The following RAB38 variants were observed in gnomAD, a reference collection of about 807,000 sequenced individuals.
RAB38 encodes the protein RAB38, member RAS oncogene family.
A neutral mutation model predicts 18.4 loss-of-function variants in RAB38; 15 were observed. The observed-to-expected ratio is 0.82, with a 90% CI of 0.55 to 1.26. The LOEUF (loss-of-function observed/expected upper bound fraction) is 1.26, where lower values mean the gene tolerates loss of function less well. RAB38 is among the 50% of genes most tolerant of loss of function. The probability of loss-of-function intolerance (pLI) is 0.00; values close to 1 mark genes in which losing one functional copy is unlikely to be tolerated. For synonymous variants in RAB38, 101 were observed against 104.4 expected (o/e 0.97, Z 0.20); for missense variants, 294 against 267.4 (o/e 1.10, Z -0.69).
downstream of RAB38, among the ~76,000 whole-genome samples, chr11:88,112,134 A>C (rs1040317238): frequency 3.3e-5 from 5 of 152,230 alleles, no homozygotes; most frequent in Non-Finnish European, 7.3e-5. Flanking sequence ...CCAATATTTC[A>C]GTATATCAAG....
At chr11:87,949,697 G>A in the RAB38 span, among the ~76,000 whole-genome samples, 1 of 152,196 alleles carries the variant, frequency 6.6e-6, no homozygotes, top group African/African-American at 2.4e-5. Flanking sequence ...TAGTTGGGCG[G>A]TTTTGAGTGA....
chr11:87,881,194 A>C, the RAB38 span, among the ~76,000 whole-genome samples: 1 of 151,880 alleles, frequency 6.6e-6, no homozygotes, highest in East Asian at 2.0e-4. Context: ...CACCTGGCAC[A>C]TAGAAGATAC....
the RAB38 span, among the ~76,000 whole-genome samples, chr11:87,859,281 A>G: frequency 6.6e-6 from 1 of 152,096 alleles, no homozygotes; most frequent in Admixed American, 6.6e-5. Flanking sequence ...CTAGATTTTA[A>G]CAATTTAAAA....
chr11:88,046,656 A>C, the RAB38 span, among the ~76,000 whole-genome samples: 2 of 152,174 alleles, frequency 1.3e-5, no homozygotes, highest in African/African-American at 4.8e-5. Flanking sequence ...CTCCCTGCAG[A>C]TCGTGTCTGA....
At chr11:87,952,964 T>A in the RAB38 span, among the ~76,000 whole-genome samples, 1 of 152,178 alleles carries the variant, frequency 6.6e-6, no homozygotes, top group Non-Finnish European at 1.5e-5. Context: ...ATGTTTTTAA[T>A]TTTAAAACAT....
the RAB38 span, among the ~76,000 whole-genome samples, chr11:88,088,628 G>A: frequency 2.6e-5 from 4 of 151,792 alleles, no homozygotes; most frequent in Non-Finnish European, 4.4e-5. Context: ...GCATGGTGAG[G>A]TGTGTCTGAC....
At chr11:88,078,839 G>A in the RAB38 span, among the ~76,000 whole-genome samples, 1 of 151,710 alleles carries the variant, frequency 6.6e-6, no homozygotes, top group Non-Finnish European at 1.5e-5. Flanking sequence ...AATTTACAAG[G>A]ATCTATTGTA....
the RAB38 span, among the ~76,000 whole-genome samples, chr11:87,877,620 C>A: frequency 6.6e-6 from 1 of 151,570 alleles, no homozygotes; most frequent in East Asian, 2.0e-4. Flanking sequence ...TGACTGTTGA[C>A]TGTGTCTACC....
the RAB38 span, among the ~76,000 whole-genome samples, chr11:88,065,395 C>G: frequency 6.6e-6 from 1 of 152,100 alleles, no homozygotes; most frequent in South Asian, 2.1e-4. Context: ...CCCCAAGATG[C>G]TGAGCTTTGA....
intron 2 of RAB38, among the ~76,000 whole-genome samples, chr11:88,131,575 G>T (rs1230739435): frequency 6.6e-6 from 1 of 152,122 alleles, no homozygotes; most frequent in African/African-American, 2.4e-5. Context: ...TTTAATCTAT[G>T]GCCATACCAC....
At chr11:88,100,769 G>T in the RAB38 span, among the ~76,000 whole-genome samples, 1 of 151,906 alleles carries the variant, frequency 6.6e-6, no homozygotes, top group Non-Finnish European at 1.5e-5. Context: ...AAGACACAAA[G>T]ACTTGACATT....
At chr11:87,839,326 A>G in the RAB38 span, among the ~76,000 whole-genome samples, 3 of 152,350 alleles carry the variant, frequency 2.0e-5, no homozygotes, top group East Asian at 3.9e-4. Context: ...TGTTAATTAA[A>G]GTAAATGACC....
At chr11:88,175,115 C>T in intron 1 of RAB38, 68 bp downstream of exon 1, 1 of 1,453,910 alleles carries the variant, frequency 6.9e-7, no homozygotes, top group Non-Finnish European at 9.2e-7. Context: ...GGCCGCAAGC[C>T]GCTGCCTCGA....
the RAB38 span, among the ~76,000 whole-genome samples, chr11:87,851,990 T>C: frequency 6.6e-6 from 1 of 152,182 alleles, no homozygotes; most frequent in African/African-American, 2.4e-5. Flanking sequence ...AGTTAAACTA[T>C]ATTTTTTATG....
At chr11:87,876,409 A>G in the RAB38 span, among the ~76,000 whole-genome samples, 1 of 151,348 alleles carries the variant, frequency 6.6e-6, no homozygotes, top group Non-Finnish European at 1.5e-5. Context: ...AGCTCTCTCT[A>G]TCTCCTCTTT....
the RAB38 span, among the ~76,000 whole-genome samples, chr11:88,056,512 T>C: frequency 2.0e-5 from 3 of 152,030 alleles, no homozygotes; most frequent in African/African-American, 7.2e-5. Flanking sequence ...AGGACTTAAA[T>C]TGTCATGAGG....
chr11:87,924,476 A>C, the RAB38 span, among the ~76,000 whole-genome samples: 1 of 151,876 alleles, frequency 6.6e-6, no homozygotes. Context: ...CTGAAATATT[A>C]ACTGGTGACC....
intron 2 of RAB38, among the ~76,000 whole-genome samples, chr11:88,147,887 T>C (rs966087146): frequency 2.0e-5 from 3 of 151,960 alleles, no homozygotes; most frequent in African/African-American, 7.2e-5. Flanking sequence ...AGCGAGACTC[T>C]GTCTCAAAAA....
the RAB38 span, among the ~76,000 whole-genome samples, chr11:87,950,107 C>A: frequency 7.9e-5 from 12 of 152,000 alleles, no homozygotes; most frequent in African/African-American, 2.7e-4. Flanking sequence ...AGGATAGTTA[C>A]CTCTTCTTGT....
Sources: allele counts gnomAD v4.1 joint callset (sites outside exome capture counted in the v4.1 genomes callset), GRCh38; gene constraint gnomAD v4.1.1; transcripts MANE v1.5; gene names NCBI Gene and HGNC (gene_info 2026-07-23, HGNC 2026-07-21).